Variants in PTPRF observed in about 807,000 individuals in gnomAD.
The protein encoded by PTPRF is protein tyrosine phosphatase receptor type F, also known as receptor-type tyrosine-protein phosphatase F.
PTPRF carries 59 observed loss-of-function variants against 201.8 expected under a neutral mutation model. That is an observed-to-expected ratio of 0.29 (90% CI 0.24 to 0.36). The LOEUF (loss-of-function observed/expected upper bound fraction) is 0.36. Among genes scored for constraint, PTPRF ranks in the 10% least tolerant of loss-of-function variants. The pLI is 1.00. For missense variants in PTPRF, 2,132 were observed against 2,690.5 expected (o/e 0.79, Z 4.59); for synonymous variants, 1,088 against 1,089.7 (o/e 1.00, Z 0.03).
At chr1:43,550,056 T>C (rs1003729932) in intron 3 of PTPRF, among the ~76,000 whole-genome samples, 1 of 145,014 alleles carries the variant, frequency 6.9e-6, no homozygotes, top group East Asian at 2.0e-4. Flanking sequence ...CGGGTGGAGG[T>C]GGATTGGAGG....
chr1:43,604,077 T>A lies in PTPRF; in HGVS notation c.2925T>A (p.Leu975=). The A allele has an allele frequency of 6.2e-7, 1 of 1,614,176 alleles. No individual in the cohort carries two copies. The highest frequency in any genetic ancestry group is 8.5e-7 in the Non-Finnish European group (1 of 1,180,032). The part of the protein sequence containing the change: ...QNITTDTRFT[L]TGLKPDTTYD... ...TCACGACAGACACCCGCTTTACCCT[T>A]ACTGGCCTCAAGCCAGACACCACTT... Residue 975 remains leucine (L), a synonymous_variant, in exon 16 of 34, where the codon CTT becomes CTA. Coordinates refer to ENST00000359947, the MANE Select transcript of PTPRF (RefSeq NM_002840.5).
At chr1:43,615,774 G>A (rs570304768) in intron 23 of PTPRF, among the ~76,000 whole-genome samples, 59 of 152,032 alleles carry the variant, frequency 3.9e-4, no homozygotes, top group African/African-American at 1.4e-3. Context: ...CACCGTGTTA[G>A]CCAGGATGGT....
chr1:43,593,442 C>G (rs1651397694), intron 11 of PTPRF, among the ~76,000 whole-genome samples: 10 of 152,202 alleles, frequency 6.6e-5, no homozygotes, highest in Admixed American at 6.5e-4. Flanking sequence ...TCTGTGGTTG[C>G]TGCTGGGCGT....
intron 30 of PTPRF, 107 bp from the exon 31 acceptor site, chr1:43,620,347 C>T (rs927892835): frequency 5.1e-5 from 78 of 1,523,176 alleles, no homozygotes; most frequent in Non-Finnish European, 5.9e-5. Context: ...TGGCCTCAGG[C>T]GCCCGTTATT....
In PTPRF at chr1:43,546,625, G is replaced by T. The variant is rs1205161723; in HGVS notation, c.91+1459G>T. ...CTTCAGACAGGAGCTCTAGGGCAGG[G>T]GAAGGATGGCCCAGTTGGGCTTCAA... On this transcript the variant is annotated intron_variant, in intron 3 of 33. Coordinates refer to ENST00000359947, the MANE Select transcript of PTPRF (RefSeq NM_002840.5). The surrounding 1 kb of genome is among the most constrained non-coding windows in gnomAD (Gnocchi z 4.2). Among the ~76,000 whole-genome samples the T allele has an allele frequency of 6.6e-6, 1 of 152,082 alleles. No homozygotes were observed. Among genetic ancestry groups the T allele is most frequent in the Non-Finnish European group, 1.5e-5 (1 of 68,006 alleles).
chr1:43,587,452 T>C (rs1236571828), intron 7 of PTPRF, among the ~76,000 whole-genome samples: 1 of 152,222 alleles, frequency 6.6e-6, no homozygotes, highest in African/African-American at 2.4e-5. Flanking sequence ...ATGTCTGATC[T>C]CTGGGTCTAA....
Position 43,592,512 on chromosome 1 carries a change from A to G in PTPRF, c.1724A>G (p.Asp575Gly). The part of the protein sequence containing the change: ...SSYTLEDLKP[D>G]TLYRFQLAAR... ...TACACACTAGAGGACCTGAAGCCTG[A>G]CACACTCTACCGCTTCCAGCTGGCT... is the stretch of plus-strand genomic sequence containing the variant. The change falls in exon 11 of 34, where the codon GAC becomes GGC. Residue 575 changes from aspartate to glycine, a missense_variant. Asp to Gly is a moderately conservative substitution (Grantham distance 94). This residue lies in a region of PTPRF where 351 missense variants were observed against 401.7 expected (regional missense o/e 0.87). Transcript: ENST00000359947. 6.2e-7 allele frequency: 1 copy of G among 1,613,106 alleles called. No homozygotes were observed. The highest frequency in any genetic ancestry group is 8.5e-7 in the Non-Finnish European group (1 of 1,179,708).
At chr1:43,569,108 A>C (rs1646386551) in intron 5 of PTPRF, among the ~76,000 whole-genome samples, 1 of 152,160 alleles carries the variant, frequency 6.6e-6, no homozygotes, top group African/African-American at 2.4e-5. Flanking sequence ...GATAGAGCTG[A>C]AGGCTGGATG....
At position 43,553,360 on chromosome 1, in the gene PTPRF, G is replaced by A. The variant is rs988433329; in HGVS notation, c.92-132G>A. On this transcript the variant is annotated intron_variant, in intron 3 of 33. Coordinates refer to ENST00000359947, the MANE Select transcript of PTPRF (RefSeq NM_002840.5). This position sits in a 1 kb window ranked among gnomAD's most constrained non-coding sequence, Gnocchi z 4.1. Reference sequence around the variant, plus strand: ...CTGAACAGTGCCTGGCACATACTAAGCGCTACATAAAGGTGAGGTGTCCTT... The same window carrying A: ...CTGAACAGTGCCTGGCACATACTAAACGCTACATAAAGGTGAGGTGTCCTT... The A allele has an allele frequency of 1.7e-5, 17 of 1,008,448 alleles. No individual in the cohort carries two copies. The African/African-American group carries it at 2.3e-4, about 13-fold the overall frequency. The allele number at this position is 1,008,448 out of a possible 1,614,324, so 62.5% of individuals were successfully genotyped here.
At chr1:43,618,040 T>G in intron 25 of PTPRF, 129 bp downstream of exon 25, 1 of 975,064 alleles carries the variant, frequency 1.0e-6, no homozygotes, top group South Asian at 1.8e-5. Flanking sequence ...ATGCTATTGT[T>G]ACTGGGGGTA....
upstream of PTPRF, among the ~76,000 whole-genome samples, chr1:43,523,120 T>C (rs1643003207): frequency 6.6e-6 from 1 of 152,124 alleles, no homozygotes; most frequent in South Asian, 2.1e-4. Context: ...GGCTTGCCTA[T>C]AGATGGACAG....
intron 11 of PTPRF, among the ~76,000 whole-genome samples, chr1:43,596,677 A>G (rs976903138): frequency 1.3e-5 from 2 of 152,216 alleles, no homozygotes; most frequent in African/African-American, 4.8e-5. Context: ...GCCTTATGCC[A>G]AAAGGGCCAC....
chr1:43,619,509 A>G lies in PTPRF; in HGVS notation c.4868A>G (p.His1623Arg). Residue 1623 changes from histidine to arginine, a missense_variant, in exon 28 of 34, where the codon CAC becomes CGC. This residue lies in a region of PTPRF where 519 missense variants were observed against 659.5 expected (regional missense o/e 0.79). Coordinates refer to ENST00000359947, the MANE Select transcript of PTPRF (RefSeq NM_002840.5). ...TEVPARNLYA[H>R]IQKLGQVPPG... is the part of the protein sequence containing the mutation. ...GTGCCTGCCCGCAACCTGTATGCCC[A>G]CATCCAGAAGCTGGGCCAAGTGCCT... The G allele has an allele frequency of 6.2e-7, 1 of 1,614,008 alleles. No homozygotes were observed. Among genetic ancestry groups the G allele is most frequent in the Non-Finnish European group, 8.5e-7 (1 of 1,180,016 alleles).
chr1:43,554,507 G>T lies in PTPRF; in HGVS notation c.379+566G>T, dbSNP rs1382103273. On this transcript the variant is annotated intron_variant, in intron 5 of 33. Coordinates refer to ENST00000359947, the MANE Select transcript of PTPRF (RefSeq NM_002840.5). The surrounding 1 kb of genome is among the most constrained non-coding windows in gnomAD (Gnocchi z 4.1). ...TCTTGAGGACAGGTGGGAGTTGGGGGTGGCAGTTGGCAGCTAGGCAGGTGC... is the reference window on the plus strand; with the variant it reads ...TCTTGAGGACAGGTGGGAGTTGGGGTTGGCAGTTGGCAGCTAGGCAGGTGC... Among the ~76,000 whole-genome samples the T allele has an allele frequency of 6.6e-6, 1 of 152,210 alleles. No individual in the cohort carries two copies. Among genetic ancestry groups the T allele is most frequent in the Non-Finnish European group, 1.5e-5 (1 of 68,048 alleles).
At chr1:43,531,506 AC>A (rs1643508145) in intron 1 of PTPRF, among the ~76,000 whole-genome samples, 1 of 121,702 alleles carries the variant, frequency 8.2e-6, no homozygotes, top group Non-Finnish European at 1.7e-5. Context: ...CGGCCCTCAG[AC>A]CCCCCAGCCC....
chr1:43,622,048 A>AG lies in PTPRF; in HGVS notation c.*49dup, dbSNP rs1557885520. The AG allele has an allele frequency of 1.6e-5, 26 of 1,584,420 alleles. No individual in the cohort carries two copies. The highest frequency in any genetic ancestry group is 3.3e-5 in the Admixed American group (2 of 59,966). ...CGCCACCCCCGCCGTGGGGCTCCGGAGGGGACCCAGCTCCTCTGAGCCATA... is the reference window on the plus strand; with the variant it reads ...CGCCACCCCCGCCGTGGGGCTCCGGAGGGGGACCCAGCTCCTCTGAGCCATA... On this transcript the variant is annotated 3_prime_UTR_variant, in exon 34 of 34. Coordinates refer to ENST00000359947, the MANE Select transcript of PTPRF (RefSeq NM_002840.5).
At chr1:43,569,336 T>C (rs1646412997) in intron 5 of PTPRF, among the ~76,000 whole-genome samples, 2 of 151,676 alleles carry the variant, frequency 1.3e-5, no homozygotes. Flanking sequence ...ACGCCTTCAG[T>C]CTGAGGCGTT....
At chr1:43,583,439 A>G (rs1648271486) in intron 7 of PTPRF, among the ~76,000 whole-genome samples, 1 of 152,126 alleles carries the variant, frequency 6.6e-6, no homozygotes, top group Admixed American at 6.5e-5. Context: ...GTGCTCAGGA[A>G]TGGTTGTGGG....
At chr1:43,525,742 T>G (rs1268330130), upstream of PTPRF, among the ~76,000 whole-genome samples, 1 of 136,924 alleles carries the variant, frequency 7.3e-6, no homozygotes, top group African/African-American at 2.8e-5. Flanking sequence ...GAGGTGGAGG[T>G]TGCAGTGAGC....
Sources: gnomAD v4.1 joint callset for allele counts (sites outside exome capture counted in the v4.1 genomes callset) on GRCh38, gnomAD v4.1.1 for gene constraint, gnomAD v4.1.1 regional missense constraint, Gnocchi (gnomAD v3.1) non-coding constraint, MANE v1.5 for transcripts, NCBI Gene and HGNC (gene_info 2026-07-23, HGNC 2026-07-21) for gene names.